SPATS1: variants seen among roughly 807,000 people sequenced by gnomAD.
SPATS1 encodes the protein spermatogenesis-associated serine-rich protein 1.
In SPATS1, 23 loss-of-function variants were observed where a neutral mutation model predicts 33.6. That is an observed-to-expected ratio of 0.68 (90% CI 0.49 to 0.97). SPATS1 has a LOEUF of 0.97. SPATS1 is among the 50% of genes least tolerant of loss of function. The pLI is 0.00. For missense variants in SPATS1, 327 were observed against 361.0 expected, an observed-to-expected ratio of 0.91 and a Z score of 0.76; for synonymous variants, 131 against 125.6, an observed-to-expected ratio of 1.04 and a Z score of -0.29.
intron 3 of SPATS1, among the ~76,000 whole-genome samples, chr6:44,357,842 C>T (rs568675331): frequency 8.5e-5 from 13 of 152,258 alleles, no homozygotes; most frequent in East Asian, 1.9e-4. Context: ...TAAGGGAGAA[C>T]GTGTGATCTG....
chr6:44,354,430 A>G (rs1003892688), intron 3 of SPATS1, among the ~76,000 whole-genome samples: 5 of 152,076 alleles, frequency 3.3e-5, no homozygotes, highest in Non-Finnish European at 5.9e-5. Context: ...TTAGTTTTTT[A>G]TATGTGCAAG....
chr6:44,368,775 T>C (rs889779552), intron 6 of SPATS1, among the ~76,000 whole-genome samples: 3 of 152,188 alleles, frequency 2.0e-5, no homozygotes, highest in Non-Finnish European at 2.9e-5. Flanking sequence ...TCATACTGAA[T>C]CAGATTGTTG....
At chr6:44,358,175 G>A (rs1236228154) in intron 3 of SPATS1, among the ~76,000 whole-genome samples, 1 of 152,188 alleles carries the variant, frequency 6.6e-6, no homozygotes, top group Non-Finnish European at 1.5e-5. Flanking sequence ...AGGATTGTTA[G>A]TAGGGAGCAA....
At chr6:44,354,898 C>G (rs1788471873) in intron 3 of SPATS1, among the ~76,000 whole-genome samples, 1 of 152,144 alleles carries the variant, frequency 6.6e-6, no homozygotes, top group African/African-American at 2.4e-5. Context: ...CACTGCAGCC[C>G]TGACCTCCCA....
intron 3 of SPATS1, among the ~76,000 whole-genome samples, chr6:44,357,726 T>C (rs988149043): frequency 6.6e-5 from 10 of 152,198 alleles, no homozygotes; most frequent in African/African-American, 2.4e-4. Context: ...GATCTTGCTA[T>C]GTTTCCCCGG....
intron 7 of SPATS1, among the ~76,000 whole-genome samples, chr6:44,373,467 G>A (rs1322620444): frequency 6.6e-6 from 1 of 152,160 alleles, no homozygotes; most frequent in Non-Finnish European, 1.5e-5. Flanking sequence ...TATTATCTAT[G>A]AATAGAAATG....
chr6:44,352,738 G>A lies in SPATS1; in HGVS notation c.152G>A (p.Ser51Asn), dbSNP rs2153366048. 6.2e-7 allele frequency: 1 copy of A among 1,614,138 alleles called. No individual in the cohort carries two copies. Among genetic ancestry groups the A allele is most frequent in the South Asian group, 1.1e-5 (1 of 91,078 alleles). The part of the protein sequence containing the change: ...EVERTYSANC[S>N]DFLESKGCFA... ...CTCTGTGTTACAGGTGCTAATTGCA[G>A]TGATTTTCTGGAATCTAAGGGATGT... The change falls in exon 3 of 9, where the codon AGT becomes AAT. Residue 51 changes from serine (S) to asparagine (N), a missense_variant. Transcript: ENST00000674044.
At position 44,343,303 on chromosome 6, in the gene SPATS1, G is replaced by A. The variant is rs140295141; in HGVS notation, c.139+69G>A. On this transcript the variant is annotated intron_variant, in intron 2 of 8. Coordinates refer to ENST00000674044, the MANE Select transcript of SPATS1 (RefSeq NM_001372081.1). ...CCAAGTATACTACACCCGGGGGCGGGGGCAGGTGGGGGGCACCATTTGAAG... is the reference window on the plus strand; with the variant it reads ...CCAAGTATACTACACCCGGGGGCGGAGGCAGGTGGGGGGCACCATTTGAAG... 3.8e-4 allele frequency: 595 copies of A among 1,566,446 alleles called. 3 individuals are homozygous for A. The African/African-American group carries it at 6.8e-3, about 18-fold the overall frequency.
chr6:44,362,464 G>A (rs976890280), intron 5 of SPATS1, among the ~76,000 whole-genome samples: 2 of 152,106 alleles, frequency 1.3e-5, no homozygotes, highest in African/African-American at 4.8e-5. Flanking sequence ...ATCTACCTGT[G>A]TATCTATATC....
intron 7 of SPATS1, among the ~76,000 whole-genome samples, chr6:44,374,330 G>C (rs1789804498): frequency 6.6e-6 from 1 of 152,188 alleles, no homozygotes; most frequent in Admixed American, 6.5e-5. Context: ...GAGTTAAGGT[G>C]TCTGAATATT....
chr6:44,356,587 A>G (rs1788602770), intron 3 of SPATS1, among the ~76,000 whole-genome samples: 1 of 152,058 alleles, frequency 6.6e-6, no homozygotes, highest in Non-Finnish European at 1.5e-5. Context: ...TTCCAAGCTC[A>G]CTCATATGGT....
In SPATS1 at chr6:44,352,774, C is replaced by T. The variant is rs866504110; in HGVS notation, c.188C>T (p.Thr63Ile). 2 of 1,614,012 alleles carry T rather than the reference C, an allele frequency of 1.2e-6. No individual in the cohort carries two copies. The highest frequency in any genetic ancestry group is 1.3e-5 in the African/African-American group (1 of 74,932). ...GAATCTAAGGGATGTTTTGCCAACA[C>T]AACACCCTCTGGCAAAAGTGTCAGT... The part of the protein sequence containing the change: ...FLESKGCFAN[T>I]TPSGKSVSSS... Residue 63 changes from threonine to isoleucine, a missense_variant, in exon 3 of 9, where the codon ACA (threonine) becomes ATA (isoleucine). By Grantham distance (89) the Thr-to-Ile change is moderately conservative. Coordinates refer to ENST00000674044, the MANE Select transcript of SPATS1 (RefSeq NM_001372081.1).
intron 1 of SPATS1, 36 bp from the exon 2 acceptor site, chr6:44,343,060 G>A (rs1198435535): frequency 6.2e-7 from 1 of 1,611,984 alleles, no homozygotes; most frequent in Admixed American, 1.7e-5. Context: ...TTTGTCTCTG[G>A]GTTGCTTCTA....
chr6:44,348,755 AG>A (rs1788055332), intron 2 of SPATS1, among the ~76,000 whole-genome samples: 1 of 152,172 alleles, frequency 6.6e-6, no homozygotes. Flanking sequence ...AGGCCAAGGC[AG>A]GCAGATCATG....
At chr6:44,360,663 C>A (rs1352630748) in intron 4 of SPATS1, 93 bp downstream of exon 4, 3 of 1,431,830 alleles carry the variant, frequency 2.1e-6, no homozygotes, top group Non-Finnish European at 2.9e-6. Flanking sequence ...AGGCCCACAA[C>A]TGTCAAGCAT....
chr6:44,350,004 G>C lies in SPATS1; in HGVS notation c.140-2722G>C, dbSNP rs548631144. Among the ~76,000 whole-genome samples the C allele has an allele frequency of 1.2e-4, 19 of 152,284 alleles. No individual in the cohort carries two copies. In the South Asian group the frequency reaches 3.5e-3, roughly 28 times the overall value. ...ACCCGTCTCCTCATCCTCACCTGCT[G>C]CTTGCCTGCCACCTCCCCTGGGCTT... On this transcript the variant is annotated intron_variant, in intron 2 of 8. Coordinates refer to ENST00000674044, the MANE Select transcript of SPATS1 (RefSeq NM_001372081.1).
intron 5 of SPATS1, among the ~76,000 whole-genome samples, chr6:44,366,007 T>G (rs1365933976): frequency 2.0e-5 from 3 of 152,182 alleles, no homozygotes; most frequent in African/African-American, 7.2e-5. Flanking sequence ...TCAGAAGTGT[T>G]GTTTGGGAGA....
intron 3 of SPATS1, among the ~76,000 whole-genome samples, chr6:44,359,879 C>T (rs899929664): frequency 6.6e-6 from 1 of 152,108 alleles, no homozygotes; most frequent in African/African-American, 2.4e-5. Context: ...CACTTCATTC[C>T]TTTTTAAGGC....
Position 44,371,511 on chromosome 6 carries a change from G to A in SPATS1, c.758+1398G>A, listed in dbSNP as rs192895934. 5.9e-5 allele frequency among the ~76,000 whole-genome samples: 9 copies of A among 152,224 alleles called. No homozygotes were observed. The East Asian group carries it at 1.3e-3, about 23-fold the overall frequency. ...TAGATTCTCTATTTTGTTCTGTAGC[G>A]TCTAGTTTGCTGTTAGTCCTATCCA... On this transcript the variant is annotated intron_variant, in intron 7 of 8. Coordinates refer to ENST00000674044, the MANE Select transcript of SPATS1 (RefSeq NM_001372081.1).
Sources: gnomAD v4.1 joint callset for allele counts (sites outside exome capture counted in the v4.1 genomes callset) on GRCh38, gnomAD v4.1.1 for gene constraint, MANE v1.5 for transcripts, NCBI Gene and HGNC (gene_info 2026-07-23, HGNC 2026-07-21) for gene names.